The following ST7L variants were observed in gnomAD, a reference collection of about 807,000 sequenced individuals.
The protein encoded by ST7L is suppressor of tumorigenicity 7 protein-like.
A neutral mutation model predicts 72.5 loss-of-function variants in ST7L; 57 were observed. That is an observed-to-expected ratio of 0.79 (90% CI 0.64 to 0.98). The LOEUF (loss-of-function observed/expected upper bound fraction) is 0.98. Ranked by LOEUF, ST7L falls within the 50% of genes least tolerant of loss-of-function variation. The pLI is 0.00. For missense variants in ST7L, 576 were observed against 672.2 expected, an observed-to-expected ratio of 0.86 and a Z score of 1.58; for synonymous variants, 221 against 240.9, an observed-to-expected ratio of 0.92 and a Z score of 0.77.
At chr1:112,519,872 C>CTT (rs71081244), downstream of ST7L, among the ~76,000 whole-genome samples, 2,209 of 115,618 alleles carry the variant, frequency 0.019, 81 homozygotes, top group African/African-American at 0.063. Flanking sequence ...GCCCATGCTT[C>CTT]TTTTTTTTTT....
intron 13 of ST7L, among the ~76,000 whole-genome samples, chr1:112,548,191 C>A (rs1657479491): frequency 1.3e-5 from 2 of 151,920 alleles, no homozygotes; most frequent in South Asian, 2.1e-4. Context: ...CCTGTCTGTA[C>A]TAAAAATACA....
chr1:112,539,705 G>T, intron 14 of ST7L: 1 of 981,114 alleles, frequency 1.0e-6, no homozygotes, highest in South Asian at 4.7e-5. Flanking sequence ...GCTGGAAACT[G>T]CCCATACCAC....
chr1:112,574,081 AT>A (rs1242703191), intron 11 of ST7L, among the ~76,000 whole-genome samples: 2 of 147,162 alleles, frequency 1.4e-5, no homozygotes, highest in African/African-American at 2.5e-5. Context: ...CACCCGGTTA[AT>A]TTTTTTGTAT....
At chr1:112,519,045 C>T (rs936812763), downstream of ST7L, among the ~76,000 whole-genome samples, 1 of 152,134 alleles carries the variant, frequency 6.6e-6, no homozygotes, top group Admixed American at 6.6e-5. Flanking sequence ...CCCTGGACAG[C>T]ACAGCTCCAC....
chr1:112,597,291 A>G (rs1666627372), intron 5 of ST7L, among the ~76,000 whole-genome samples: 1 of 152,202 alleles, frequency 6.6e-6, no homozygotes, highest in Non-Finnish European at 1.5e-5. Flanking sequence ...AAGGAGGGTG[A>G]GTGCATTCAA....
At chr1:112,612,537 A>C (rs1669236402) in intron 2 of ST7L, among the ~76,000 whole-genome samples, 1 of 152,152 alleles carries the variant, frequency 6.6e-6, no homozygotes, top group Non-Finnish European at 1.5e-5. Flanking sequence ...ATAGGTGCCA[A>C]AAGTATAGTC....
At chr1:112,619,346 A>G, upstream of ST7L, 2 of 596,334 alleles carry the variant, frequency 3.4e-6, no homozygotes, top group Non-Finnish European at 6.0e-6. Flanking sequence ...GAGGAACTGG[A>G]CTGAGATGTG....
In ST7L at chr1:112,542,102, A is replaced by C; in HGVS notation, c.1490-12T>G. ...AACATGATGAAAGGCTGCAATGGAGAATAGGTAAGAATCAATTTTATTTCA... is the reference window on the plus strand; with the variant it reads ...AACATGATGAAAGGCTGCAATGGAGCATAGGTAAGAATCAATTTTATTTCA... On this transcript the variant is annotated splice_polypyrimidine_tract_variant and intron_variant, in intron 13 of 14. Transcript: ENST00000358039. 6.3e-7 allele frequency: 1 copy of C among 1,579,454 alleles called. No homozygotes were observed. The highest frequency in any genetic ancestry group is 1.2e-5 in the South Asian group (1 of 85,110).
At chr1:112,605,408 A>G (rs1668075105) in intron 3 of ST7L, among the ~76,000 whole-genome samples, 1 of 150,144 alleles carries the variant, frequency 6.7e-6, no homozygotes, top group Non-Finnish European at 1.5e-5. Context: ...CAACAAAAAG[A>G]GGCCAAGTGT....
chr1:112,599,387 CCAT>C (rs1667058193), intron 4 of ST7L, among the ~76,000 whole-genome samples: 1 of 151,892 alleles, frequency 6.6e-6, no homozygotes, highest in Non-Finnish European at 1.5e-5. Context: ...TTTTGTATCT[CCAT>C]CATTTTGCAC....
intron 14 of ST7L, chr1:112,539,206 G>A (rs1024800396): frequency 1.3e-5 from 2 of 152,242 alleles, no homozygotes; most frequent in African/African-American, 4.8e-5. Context: ...GGTCTGGAAT[G>A]GTGCCTGAAG....
chr1:112,576,246 C>T (rs187818729), intron 11 of ST7L, among the ~76,000 whole-genome samples: 82 of 152,198 alleles, frequency 5.4e-4, no homozygotes, highest in Middle Eastern at 3.4e-3. Context: ...AGCATCACCA[C>T]ACTCAGATAA....
At chr1:112,584,819 T>A (rs923032155) in intron 6 of ST7L, among the ~76,000 whole-genome samples, 3 of 152,134 alleles carry the variant, frequency 2.0e-5, no homozygotes, top group Non-Finnish European at 2.9e-5. Context: ...CTATATAATT[T>A]ATGACATCCA....
intron 11 of ST7L, among the ~76,000 whole-genome samples, chr1:112,558,177 G>C (rs1659508355): frequency 6.6e-6 from 1 of 152,138 alleles, no homozygotes; most frequent in Non-Finnish European, 1.5e-5. Flanking sequence ...ATCAAATTAT[G>C]TGTCATAAGA....
intron 6 of ST7L, among the ~76,000 whole-genome samples, chr1:112,589,671 A>G (rs183232548): frequency 6.0e-4 from 91 of 152,328 alleles, no homozygotes; most frequent in African/African-American, 2.1e-3. Flanking sequence ...AGGTTTCCTT[A>G]AACACCTGGG....
intron 2 of ST7L, 23 bp from the exon 3 acceptor site, chr1:112,611,026 T>C: frequency 1.2e-6 from 2 of 1,611,258 alleles, no homozygotes; most frequent in Non-Finnish European, 1.7e-6. Context: ...GAAAATATCC[T>C]GCACTTAGAA....
At chr1:112,534,104 C>T (rs1199644478) in intron 14 of ST7L, among the ~76,000 whole-genome samples, 1 of 152,122 alleles carries the variant, frequency 6.6e-6, no homozygotes, top group Non-Finnish European at 1.5e-5. Flanking sequence ...ACCTAAGCAC[C>T]CTTTTTATTT....
downstream of ST7L, chr1:112,522,259 G>C (rs147116701): frequency 1.3e-3 from 191 of 152,352 alleles, no homozygotes; most frequent in African/African-American, 4.4e-3. Context: ...TGAATTCTTG[G>C]TCTCAAGCAA....
intron 11 of ST7L, among the ~76,000 whole-genome samples, chr1:112,573,955 C>G (rs1357768582): frequency 7.3e-6 from 1 of 137,318 alleles, no homozygotes; most frequent in Non-Finnish European, 1.5e-5. Flanking sequence ...CACTCTGTAG[C>G]CCAAGCTGGA....
Sources: gnomAD v4.1 joint callset for allele counts (sites outside exome capture counted in the v4.1 genomes callset) on GRCh38, gnomAD v4.1.1 for gene constraint, MANE v1.5 for transcripts, NCBI Gene and HGNC (gene_info 2026-07-23, HGNC 2026-07-21) for gene names.